PTK2: variants seen among roughly 807,000 people sequenced by gnomAD.
PTK2 encodes focal adhesion kinase 1.
PTK2 carries 45 observed loss-of-function variants against 150.1 expected under a neutral mutation model. The observed-to-expected ratio is 0.30, with a 90% confidence interval of 0.24 to 0.38. PTK2 has a LOEUF of 0.38. PTK2 is among the 10% of genes least tolerant of loss of function. The pLI, the probability that PTK2 is intolerant of heterozygous loss-of-function variation, is 1.00. For synonymous variants in PTK2, 432 were observed against 449.2 expected, an observed-to-expected ratio of 0.96 and a Z score of 0.48; for missense variants, 919 against 1,307.3, an observed-to-expected ratio of 0.70 and a Z score of 4.58.
At chr8:140,977,025 A>T (rs1569532204) in intron 1 of PTK2, among the ~76,000 whole-genome samples, 1 of 152,252 alleles carries the variant, frequency 6.6e-6, no homozygotes. Flanking sequence ...ATAAATCATG[A>T]ATCATCAAAG....
intron 5 of PTK2, among the ~76,000 whole-genome samples, chr8:140,858,490 A>T (rs2100134169): frequency 6.6e-6 from 1 of 152,076 alleles, no homozygotes; most frequent in Non-Finnish European, 1.5e-5. Flanking sequence ...ATGAAGCTGT[A>T]AAAACCAAAG....
At chr8:140,799,995 T>C (rs1287268125) in intron 12 of PTK2, among the ~76,000 whole-genome samples, 1 of 152,222 alleles carries the variant, frequency 6.6e-6, no homozygotes, top group Non-Finnish European at 1.5e-5. Flanking sequence ...TATTTATTCA[T>C]TCTAATCTTT....
At chr8:140,965,440 A>T (rs2100184906) in intron 1 of PTK2, among the ~76,000 whole-genome samples, 1 of 152,202 alleles carries the variant, frequency 6.6e-6, no homozygotes, top group African/African-American at 2.4e-5. Context: ...AGTGACAGAC[A>T]CAAGCCATGC....
Position 140,879,700 on chromosome 8 carries a change from A to C in PTK2, c.196-63T>G, listed in dbSNP as rs577917684. The C allele has an allele frequency of 2.8e-3, 3,242 of 1,140,192 alleles. 30 individuals carry two copies. Among genetic ancestry groups the C allele is most frequent in the Non-Finnish European group, 2.8e-3 (2,479 of 886,642 alleles). 70.6% of individuals were successfully genotyped at this position (1,140,192 alleles called of 1,614,324 possible). A position where few individuals can be genotyped will look rare whatever the true frequency, so the allele number is the denominator to read the frequency against. ...TGAAAAAAAAAAAAAAAAAAAAAAAAACCAAAACAAAACAAAAACAAAACA... is the reference window on the plus strand; with the variant it reads ...TGAAAAAAAAAAAAAAAAAAAAAAACACCAAAACAAAACAAAAACAAAACA... On this transcript the variant is annotated intron_variant, in intron 3 of 31. Transcript: ENST00000522684.
At chr8:140,705,301 A>G (rs1356918590) in intron 24 of PTK2, among the ~76,000 whole-genome samples, 1 of 152,196 alleles carries the variant, frequency 6.6e-6, no homozygotes, top group East Asian at 1.9e-4. Context: ...AGGAAGTAGG[A>G]AAGGTTAAGT....
At position 140,679,014 on chromosome 8, in the gene PTK2, T is replaced by G. The variant is rs1481077935; in HGVS notation, c.2563-3515A>C. Among the ~76,000 whole-genome samples the G allele has an allele frequency of 2.3e-3, 70 of 30,036 alleles. 1 individual carries two copies. The highest frequency in any genetic ancestry group is 6.4e-3 in the African/African-American group (63 of 9,798). 19.7% of individuals were successfully genotyped at this position (30,036 alleles called of 152,430 possible). A position where few individuals can be genotyped will look rare whatever the true frequency, so the allele number is the denominator to read the frequency against. On this transcript the variant is annotated intron_variant, in intron 27 of 31. Coordinates refer to ENST00000522684, the Ensembl canonical transcript of PTK2. The stretch of plus-strand genomic sequence containing the variant: ...TGAGTGCTCCCCATGTTTTTTTTTT[T>G]TTTTTTTTTTTTTTTTTTTTTTTTT...
chr8:140,992,247 G>A (rs1368613484), intron 1 of PTK2, among the ~76,000 whole-genome samples: 4 of 149,844 alleles, frequency 2.7e-5, no homozygotes, highest in Admixed American at 6.7e-5. Flanking sequence ...AGCCAAGACT[G>A]CGCCACTGCC....
intron 5 of PTK2, among the ~76,000 whole-genome samples, chr8:140,856,749 T>C (rs2100132890): frequency 6.6e-6 from 1 of 152,184 alleles, no homozygotes; most frequent in South Asian, 2.1e-4. Context: ...AAATGTATAC[T>C]TAATATTTAT....
intron 4 of PTK2, among the ~76,000 whole-genome samples, chr8:140,869,247 A>C (rs2100141163): frequency 6.6e-6 from 1 of 152,080 alleles, no homozygotes; most frequent in African/African-American, 2.4e-5. Flanking sequence ...ATGAACACGC[A>C]TCTGCAAGTC....
intron 2 of PTK2, among the ~76,000 whole-genome samples, chr8:140,919,290 G>C (rs139082651): frequency 1.3e-5 from 2 of 152,252 alleles, no homozygotes; most frequent in Non-Finnish European, 2.9e-5. Flanking sequence ...GCATATTTCA[G>C]TTAAAAATAG....
chr8:140,811,643 C>T (rs974734524), intron 10 of PTK2, among the ~76,000 whole-genome samples: 1 of 152,042 alleles, frequency 6.6e-6, no homozygotes, highest in African/African-American at 2.4e-5. Context: ...ACACTGAAAC[C>T]CAATCCAAGG....
At chr8:140,740,945 C>G (rs2100055283) in intron 20 of PTK2, among the ~76,000 whole-genome samples, 1 of 150,514 alleles carries the variant, frequency 6.6e-6, no homozygotes, top group Admixed American at 6.6e-5. Context: ...GAGTTCAAGA[C>G]CAATCTAGGC....
chr8:140,804,543 A>C (rs1474067482), intron 10 of PTK2, among the ~76,000 whole-genome samples: 1 of 152,194 alleles, frequency 6.6e-6, no homozygotes, highest in Non-Finnish European at 1.5e-5. Context: ...CTTCTTCAAA[A>C]AAATACATAT....
intron 2 of PTK2, among the ~76,000 whole-genome samples, chr8:140,919,194 G>C (rs2100166458): frequency 1.3e-5 from 2 of 152,280 alleles, no homozygotes; most frequent in South Asian, 4.1e-4. Flanking sequence ...AACTGATTCT[G>C]ACCCTTAACA....
In PTK2 at chr8:140,789,531, G is replaced by A. The variant is rs1189462074; in HGVS notation, c.1125-5C>T. 1 of 1,612,322 alleles carries A rather than the reference G, an allele frequency of 6.2e-7. No homozygotes were observed. Among genetic ancestry groups the A allele is most frequent in the African/African-American group, 1.3e-5 (1 of 74,860 alleles). On this transcript the variant is annotated splice_polypyrimidine_tract_variant and splice_region_variant and intron_variant, in intron 13 of 31. Transcript: ENST00000522684. ...TGCTTTTCGCTGTTGGCCAACCTGT[G>A]ACAGACAAGAGCAAAGCTGTAAGCC...
chr8:140,789,516 T>A, exon 14 of PTK2: 1 of 1,613,438 alleles, frequency 6.2e-7, no homozygotes, highest in South Asian at 1.1e-5. Context: ...TGCTTTTCGC[T>A]GTTGGCCAAC....
intron 1 of PTK2, among the ~76,000 whole-genome samples, chr8:140,976,746 C>T (rs1374426578): frequency 6.6e-6 from 1 of 152,150 alleles, no homozygotes; most frequent in Non-Finnish European, 1.5e-5. Context: ...TTTTAAAAAG[C>T]CTAATAATGT....
intron 29 of PTK2, among the ~76,000 whole-genome samples, chr8:140,672,351 T>C (rs993677912): frequency 2.6e-5 from 4 of 152,196 alleles, no homozygotes; most frequent in African/African-American, 9.7e-5. Context: ...TAGAAATTTA[T>C]TGAAAGAAGC....
intron 1 of PTK2, among the ~76,000 whole-genome samples, chr8:140,958,892 C>T (rs2100182124): frequency 6.6e-6 from 1 of 152,084 alleles, no homozygotes; most frequent in South Asian, 2.1e-4. Flanking sequence ...ATCTATAAAT[C>T]CACTTGAAAT....
Sources: allele counts gnomAD v4.1 joint callset (sites outside exome capture counted in the v4.1 genomes callset), GRCh38; gene constraint gnomAD v4.1.1; transcripts MANE v1.5; gene names NCBI Gene and HGNC (gene_info 2026-07-23, HGNC 2026-07-21).